Variants in CCDC15 observed in about 807,000 individuals in gnomAD.
CCDC15 encodes coiled-coil domain containing 15.
Under a neutral mutation model 114.5 loss-of-function variants are expected in CCDC15, and 105 were observed. The ratio of observed to expected loss-of-function variants is 0.92; its 90% CI spans 0.78 to 1.08. The LOEUF is 1.08. Among genes scored for constraint, CCDC15 ranks in the 50% least tolerant of loss-of-function variants. The pLI is 0.00. For missense variants in CCDC15, 1,105 were observed against 1,093.6 expected (o/e 1.01, Z -0.15); for synonymous variants, 334 against 377.8 (o/e 0.88, Z 1.34).
chr11:124,963,315 C>CT (rs945894304), intron 4 of CCDC15, among the ~76,000 whole-genome samples: 1 of 152,158 alleles, frequency 6.6e-6, no homozygotes, highest in Non-Finnish European at 1.5e-5. Context: ...TGTTTCCTGA[C>CT]TTTTTAATGA....
intron 8 of CCDC15, among the ~76,000 whole-genome samples, chr11:124,990,512 C>T (rs1431246129): frequency 2.0e-5 from 3 of 152,090 alleles, no homozygotes; most frequent in African/African-American, 7.2e-5. Context: ...ACAACATCTG[C>T]AAAGCATAAT....
chr11:125,035,084 T>C (rs1948766973), intron 13 of CCDC15, among the ~76,000 whole-genome samples: 1 of 152,138 alleles, frequency 6.6e-6, no homozygotes, highest in Non-Finnish European at 1.5e-5. Context: ...GCATCCAGCA[T>C]GGGAGAAAGA....
chr11:124,985,820 G>T (rs1323829022), intron 6 of CCDC15, among the ~76,000 whole-genome samples: 2 of 151,674 alleles, frequency 1.3e-5, no homozygotes, highest in Non-Finnish European at 2.9e-5. Flanking sequence ...TCTGTAGACT[G>T]TTATCTTACT....
chr11:125,005,807 C>T (rs746555294), intron 13 of CCDC15, among the ~76,000 whole-genome samples: 2 of 152,096 alleles, frequency 1.3e-5, no homozygotes, highest in South Asian at 2.1e-4. Flanking sequence ...TGGAATCATA[C>T]AGTATGTATG....
intron 4 of CCDC15, among the ~76,000 whole-genome samples, chr11:124,971,580 T>G (rs1022613258): frequency 6.6e-6 from 1 of 152,182 alleles, no homozygotes; most frequent in African/African-American, 2.4e-5. Context: ...AAAAATGCAT[T>G]TATATGTTTA....
chr11:125,033,245 C>T (rs773629558), intron 13 of CCDC15, among the ~76,000 whole-genome samples: 50 of 152,180 alleles, frequency 3.3e-4, no homozygotes, highest in Admixed American at 2.1e-3. Flanking sequence ...GGATTCCTAT[C>T]AATTTCACTT....
At chr11:124,961,572 T>C (rs1947657605) in intron 4 of CCDC15, among the ~76,000 whole-genome samples, 1 of 152,206 alleles carries the variant, frequency 6.6e-6, no homozygotes, top group African/African-American at 2.4e-5. Context: ...CATGCTGTAG[T>C]GCAGTGGTGC....
chr11:124,986,713 G>A (rs1389289689), intron 6 of CCDC15, 29 bp from the exon 7 acceptor site: 20 of 1,440,772 alleles, frequency 1.4e-5, no homozygotes, highest in African/African-American at 1.1e-4. Flanking sequence ...GCGCGCGCGC[G>A]TGCGCGTTTT....
intron 13 of CCDC15, among the ~76,000 whole-genome samples, chr11:125,015,176 T>C (rs936897564): frequency 6.6e-6 from 1 of 152,140 alleles, no homozygotes; most frequent in Non-Finnish European, 1.5e-5. Flanking sequence ...TACAAATCAA[T>C]GTTTTAACCT....
chr11:124,987,107 G>C lies in CCDC15; in HGVS notation c.901-20G>C. The C allele has an allele frequency of 6.7e-7, 1 of 1,485,364 alleles. No individual in the cohort carries two copies. The highest frequency in any genetic ancestry group is 1.5e-5 in the South Asian group (1 of 68,032). The allele number at this position is 1,485,364 out of a possible 1,614,324, so 92.0% of individuals were successfully genotyped here. A position where few individuals can be genotyped will look rare whatever the true frequency, so the allele number is the denominator to read the frequency against. On this transcript the variant is annotated intron_variant, in intron 7 of 15. Coordinates refer to ENST00000344762, the MANE Select transcript of CCDC15 (RefSeq NM_025004.3). ...GCTACTAACTCACATTCTGTATTTG[G>C]TGTTTATGTTCACTTTTAGAAAGTA... is the stretch of plus-strand genomic sequence containing the variant.
intron 13 of CCDC15, among the ~76,000 whole-genome samples, chr11:125,030,180 T>C (rs1011793531): frequency 1.3e-5 from 2 of 152,204 alleles, no homozygotes; most frequent in African/African-American, 4.8e-5. Context: ...CCTTGATTCC[T>C]GGACTTGTGA....
Position 125,026,938 on chromosome 11 carries a change from C to G in CCDC15, c.2412-11493C>G, listed in dbSNP as rs1013945206. Among the ~76,000 whole-genome samples, 11 of 152,140 alleles carry G rather than the reference C, an allele frequency of 7.2e-5. No individual in the cohort carries two copies. The East Asian group carries it at 2.1e-3, about 29-fold the overall frequency. Reference sequence around the variant, plus strand: ...GAAGTCCATTCTATTATTCTTACACCTTTGCATCCTCATAGCTTAGCTCCC... The same window carrying G: ...GAAGTCCATTCTATTATTCTTACACGTTTGCATCCTCATAGCTTAGCTCCC... On this transcript the variant is annotated intron_variant, in intron 13 of 15. Transcript: ENST00000344762.
At chr11:125,036,812 T>C (rs908492493) in intron 13 of CCDC15, among the ~76,000 whole-genome samples, 2 of 152,164 alleles carry the variant, frequency 1.3e-5, no homozygotes, top group East Asian at 1.9e-4. Context: ...GAATTTCTAC[T>C]TGATTCTTTT....
chr11:124,991,348 T>G, intron 8 of CCDC15, 113 bp from the exon 9 acceptor site: 1 of 609,052 alleles, frequency 1.6e-6, no homozygotes, highest in Non-Finnish European at 2.6e-6. Context: ...CCATAATGTT[T>G]TATATTATCC....
intron 13 of CCDC15, among the ~76,000 whole-genome samples, chr11:125,032,182 C>T (rs111413392): frequency 7.2e-5 from 11 of 152,270 alleles, no homozygotes; most frequent in African/African-American, 1.2e-4. Flanking sequence ...TGATATCTTG[C>T]GGAAGTGGAA....
chr11:124,959,248 A>G lies in CCDC15; in HGVS notation c.311A>G (p.Gln104Arg). Residue 104 changes from glutamine to arginine, a missense_variant, in exon 3 of 16, where the codon CAG becomes CGG. Physicochemically the swap from Gln to Arg is conservative, Grantham distance 43. Transcript: ENST00000344762. Reference protein sequence around the residue: ...QIRLRKKQQLQKSYERAQKEG... With the variant: ...QIRLRKKQQLRKSYERAQKEG... ...AGGTTGAGAAAAAAGCAACAGCTTC[A>G]GAAGTCTTATGAAAGAGTAAGTTCA... is the stretch of plus-strand genomic sequence containing the variant. The G allele has an allele frequency of 1.3e-6, 2 of 1,579,508 alleles. No individual in the cohort carries two copies. Among genetic ancestry groups the G allele is most frequent in the Non-Finnish European group, 1.7e-6 (2 of 1,167,814 alleles).
intron 5 of CCDC15, 39 bp downstream of exon 5, chr11:124,975,248 G>A (rs1947955052): frequency 3.3e-6 from 4 of 1,214,864 alleles, no homozygotes; most frequent in South Asian, 3.0e-5. Flanking sequence ...AAAAATACAG[G>A]TAAAAAATAC....
intron 13 of CCDC15, among the ~76,000 whole-genome samples, chr11:125,030,660 G>A (rs1948732218): frequency 1.3e-5 from 2 of 152,310 alleles, no homozygotes; most frequent in Non-Finnish European, 2.9e-5. Context: ...GCCATATTGA[G>A]GGCTCAGTGC....
At chr11:125,005,087 A>T (rs1948538189) in intron 12 of CCDC15, 22 bp from the exon 13 acceptor site, 1 of 1,118,134 alleles carries the variant, frequency 8.9e-7, no homozygotes, top group Non-Finnish European at 1.3e-6. Flanking sequence ...GAATCTTAGT[A>T]ATTTTAACTT....
Sources: gnomAD v4.1 joint callset for allele counts (sites outside exome capture counted in the v4.1 genomes callset) on GRCh38, gnomAD v4.1.1 for gene constraint, MANE v1.5 for transcripts, NCBI Gene and HGNC (gene_info 2026-07-23, HGNC 2026-07-21) for gene names.